The following CFAP69 variants were observed in gnomAD, a reference collection of about 807,000 sequenced individuals.
CFAP69 encodes cilia and flagella associated protein 69.
Under a neutral mutation model 123.0 loss-of-function variants are expected in CFAP69, and 92 were observed. That is an observed-to-expected ratio of 0.75 (90% confidence interval 0.63 to 0.89). CFAP69 has a LOEUF of 0.89. Ranked by LOEUF, CFAP69 falls within the 40% of genes least tolerant of loss-of-function variation. The pLI is 0.00. For missense variants in CFAP69, 1,067 were observed against 1,096.9 expected (o/e 0.97, Z 0.39); for synonymous variants, 380 against 364.3 (o/e 1.04, Z -0.49).
At chr7:90,264,091 G>GAAAAA (rs1165222104) in intron 4 of CFAP69, among the ~76,000 whole-genome samples, 20 of 17,986 alleles carry the variant, frequency 1.1e-3, no homozygotes, top group African/African-American at 4.0e-3. Flanking sequence ...ACTCCATCTC[G>GAAAAA]AAAAAAAAAA....
In CFAP69 at chr7:90,271,545, A is replaced by G; in HGVS notation, c.552A>G (p.Ser184=). The G allele has an allele frequency of 6.2e-7, 1 of 1,612,088 alleles. No individual in the cohort carries two copies. The highest frequency in any genetic ancestry group is 1.9e-4 in the Middle Eastern group (1 of 5,132). Residue 184 remains serine (S), a synonymous_variant, in exon 7 of 23, where the codon TCA becomes TCG. Coordinates refer to ENST00000389297, the MANE Select transcript of CFAP69 (RefSeq NM_001039706.3). Reference sequence around the variant, plus strand: ...TGTTAGGTTACCAGCAAGCGAGTTCATCATACAAGATTCAAATGGCTGAAG... The same window carrying G: ...TGTTAGGTTACCAGCAAGCGAGTTCGTCATACAAGATTCAAATGGCTGAAG... ...KHIPGYQQAS[S]SYKIQMAEVG... is the part of the protein sequence containing the mutation.
the CFAP69 span, among the ~76,000 whole-genome samples, chr7:90,322,057 G>GT: frequency 0.5 from 75,147 of 151,782 alleles, 19,584 homozygotes; most frequent in Non-Finnish European, 0.59. Flanking sequence ...GGTGAGATGA[G>GT]TGCCAAACCA....
At chr7:90,307,597 A>G (rs1453777750) in intron 20 of CFAP69, among the ~76,000 whole-genome samples, 171 bp from the exon 21 acceptor site, 3 of 151,978 alleles carry the variant, frequency 2.0e-5, no homozygotes, top group Non-Finnish European at 4.4e-5. Context: ...ACTATATTCA[A>G]TGCTGTTTTT....
At position 90,287,085 on chromosome 7, in the gene CFAP69, G is replaced by GA. The variant is rs34727700; in HGVS notation, c.1656+705dup. On this transcript the variant is annotated intron_variant, in intron 14 of 22. Coordinates refer to ENST00000389297, the MANE Select transcript of CFAP69 (RefSeq NM_001039706.3). ...TAGGTGACGCAGTGAGACTCCATCTGAAAAAAAAAAAAAAAAAAAGATAGA... is the reference window on the plus strand; with the variant it reads ...TAGGTGACGCAGTGAGACTCCATCTGAAAAAAAAAAAAAAAAAAAAGATAGA... Among the ~76,000 whole-genome samples, 734 of 107,198 alleles carry GA rather than the reference G, an allele frequency of 6.8e-3. 5 individuals are homozygous for GA. The highest frequency in any genetic ancestry group is 0.01 in the African/African-American group (277 of 26,402). 70.3% of individuals were successfully genotyped at this position (107,198 alleles called of 152,430 possible).
At chr7:90,288,193 A>T (rs1790585214) in intron 14 of CFAP69, 41 bp from the exon 15 acceptor site, 1 of 1,492,558 alleles carries the variant, frequency 6.7e-7, no homozygotes, top group Non-Finnish European at 9.3e-7. Flanking sequence ...GGAATTATTT[A>T]TTTATTTCAA....
intron 2 of CFAP69, among the ~76,000 whole-genome samples, chr7:90,257,730 T>C (rs1263127241): frequency 6.6e-6 from 1 of 152,198 alleles, no homozygotes; most frequent in Non-Finnish European, 1.5e-5. Flanking sequence ...TTAATAGGAT[T>C]CCATTGTATA....
rs777064373 is a variant in CFAP69 at position 90,310,076 on chromosome 7, T to C, written c.2664T>C (p.Ser888=). The part of the protein sequence containing the change: ...HIKGLNTTVP[S]GGVVTVESTP... ...ACCTTTTGCCTTTTTAGGTGCCCTC[T>C]GGTGGAGTAGTAACAGTGGAAAGCA... is the stretch of plus-strand genomic sequence containing the variant. The change falls in exon 23 of 23, where the codon TCT becomes TCC. Residue 888 remains serine, a synonymous_variant. Transcript: ENST00000389297. The C allele has an allele frequency of 2.6e-5, 42 of 1,608,514 alleles. No homozygotes were observed. Among genetic ancestry groups the C allele is most frequent in the Non-Finnish European group, 3.2e-5 (38 of 1,176,936 alleles).
chr7:90,273,916 A>G (rs28945134), intron 8 of CFAP69, 71 bp from the exon 9 acceptor site: 1 of 1,190,618 alleles, frequency 8.4e-7, no homozygotes, highest in Admixed American at 2.9e-5. Flanking sequence ...ATTTAAATAT[A>G]TGAATTTTGG....
intron 2 of CFAP69, among the ~76,000 whole-genome samples, chr7:90,255,969 T>G (rs1256876062): frequency 6.6e-6 from 1 of 152,134 alleles, no homozygotes; most frequent in Non-Finnish European, 1.5e-5. Flanking sequence ...AAGCAGGCAT[T>G]GAGAGAAAAG....
intron 16 of CFAP69, among the ~76,000 whole-genome samples, chr7:90,298,598 C>A (rs1792336087): frequency 6.6e-6 from 1 of 152,134 alleles, no homozygotes. Context: ...TGCCCCTTAA[C>A]CTCCCTGAAA....
intron 15 of CFAP69, among the ~76,000 whole-genome samples, chr7:90,296,927 T>C (rs1792072512): frequency 6.6e-6 from 1 of 152,124 alleles, no homozygotes; most frequent in Non-Finnish European, 1.5e-5. Context: ...TTATGTGGAA[T>C]AGTTGGTAAA....
At position 90,273,933 on chromosome 7, in the gene CFAP69, G is replaced by A. The variant is rs575397914; in HGVS notation, c.861-54G>A. The A allele has an allele frequency of 2.5e-4, 339 of 1,341,856 alleles. 2 individuals carry two copies. The highest frequency in any genetic ancestry group is 2.0e-3 in the South Asian group (143 of 70,288). The allele number at this position is 1,341,856 out of a possible 1,614,324, so 83.1% of individuals were successfully genotyped here. ...TTAAATATATGAATTTTGGAGGGAC[G>A]CAAACATTTAGTGTATAACAATATA... On this transcript the variant is annotated intron_variant, in intron 8 of 22. Coordinates refer to ENST00000389297, the MANE Select transcript of CFAP69 (RefSeq NM_001039706.3).
intron 16 of CFAP69, among the ~76,000 whole-genome samples, chr7:90,298,898 T>C (rs984285337): frequency 1.3e-5 from 2 of 152,178 alleles, no homozygotes; most frequent in African/African-American, 4.8e-5. Flanking sequence ...TTTCAATCTT[T>C]CACATTTGCC....
intron 15 of CFAP69, among the ~76,000 whole-genome samples, chr7:90,291,326 A>G (rs1194552065): frequency 6.6e-6 from 1 of 152,058 alleles, no homozygotes; most frequent in African/African-American, 2.4e-5. Context: ...GCATTTGTAA[A>G]CTGTCGTTGC....
chr7:90,255,367 T>C (rs1797517208), intron 1 of CFAP69, 56 bp from the exon 2 acceptor site: 1 of 1,363,464 alleles, frequency 7.3e-7, no homozygotes, highest in Non-Finnish European at 1.0e-6. Flanking sequence ...GTGTGTTAGA[T>C]ATGACTTATT....
the CFAP69 span, chr7:90,319,387 T>A: frequency 2.5e-6 from 1 of 398,592 alleles, no homozygotes; most frequent in Non-Finnish European, 4.4e-6. Context: ...AAAATTATAT[T>A]TGGGGGGCAT....
chr7:90,309,337 C>T lies in CFAP69; in HGVS notation c.2625C>T (p.His875=). Residue 875 remains histidine, a synonymous_variant, in exon 22 of 23, where the codon CAC becomes CAT. Coordinates refer to ENST00000389297, the MANE Select transcript of CFAP69 (RefSeq NM_001039706.3). ...YHKRPQNAIF[H]QTHIKGLNTT... ...AACGACCACAAAATGCAATATTTCA[C>T]CAAACACATATTAAAGGCCTTAACA... The T allele has an allele frequency of 1.3e-6, 2 of 1,588,276 alleles. No individual in the cohort carries two copies. The highest frequency in any genetic ancestry group is 1.7e-6 in the Non-Finnish European group (2 of 1,166,372).
At chr7:90,261,866 C>A in intron 3 of CFAP69, 81 bp from the exon 4 acceptor site, 2 of 708,476 alleles carry the variant, frequency 2.8e-6, no homozygotes, top group Non-Finnish European at 4.3e-6. Context: ...ATTCTATAGA[C>A]TTTCTTCACA....
intron 15 of CFAP69, among the ~76,000 whole-genome samples, chr7:90,290,567 A>G (rs532430572): frequency 2.6e-5 from 4 of 152,156 alleles, no homozygotes; most frequent in Non-Finnish European, 4.4e-5. Context: ...CACACCCAGA[A>G]TAATGTTTGC....
Sources: gnomAD v4.1 joint callset for allele counts (sites outside exome capture counted in the v4.1 genomes callset) on GRCh38, gnomAD v4.1.1 for gene constraint, MANE v1.5 for transcripts, NCBI Gene and HGNC (gene_info 2026-07-23, HGNC 2026-07-21) for gene names.